The following ESR2 variants were observed in gnomAD, a reference collection of about 807,000 sequenced individuals.
ESR2 encodes the protein estrogen receptor 2.
In ESR2, 36 loss-of-function variants were observed where a neutral mutation model predicts 49.6. That is an observed-to-expected ratio of 0.73 (90% confidence interval 0.56 to 0.96). The LOEUF is 0.96. Among genes scored for constraint, ESR2 ranks in the 40% least tolerant of loss-of-function variants. The pLI is 0.00. For synonymous variants in ESR2, 320 were observed against 266.1 expected (o/e 1.20, Z -1.97); for missense variants, 714 against 693.0 (o/e 1.03, Z -0.34).
chr14:64,315,419 A>G (rs891766690), intron 1 of ESR2, among the ~76,000 whole-genome samples: 1 of 152,126 alleles, frequency 6.6e-6, no homozygotes, highest in South Asian at 2.1e-4. Flanking sequence ...AATTCTTTGA[A>G]AAACACAAAC....
intron 4 of ESR2, among the ~76,000 whole-genome samples, chr14:64,265,405 G>A (rs2076308796): frequency 6.6e-6 from 1 of 152,166 alleles, no homozygotes; most frequent in South Asian, 2.1e-4. Context: ...ATGTACAGAA[G>A]AGGAACCAAA....
chr14:64,280,021 C>G lies in ESR2; in HGVS notation c.495G>C (p.Ser165=), dbSNP rs151012840. 2.5e-6 allele frequency: 4 copies of G among 1,614,194 alleles called. No individual in the cohort carries two copies. The highest frequency in any genetic ancestry group is 3.3e-5 in the Admixed American group (2 of 60,024). ...YASGYHYGVW[S]CEGCKAFFKR... Reference sequence around the variant, plus strand: ...TAAAAAAGGCCTTACATCCTTCACACGACCAGACTCCATAGTGATATCCCG... The same window carrying G: ...TAAAAAAGGCCTTACATCCTTCACAGGACCAGACTCCATAGTGATATCCCG... Residue 165 remains serine, a synonymous_variant, in exon 3 of 9, where the codon TCG becomes TCC. Coordinates refer to ENST00000341099, the MANE Select transcript of ESR2 (RefSeq NM_001437.3).
intron 4 of ESR2, among the ~76,000 whole-genome samples, chr14:64,262,162 A>G (rs1350135569): frequency 7.1e-6 from 1 of 139,876 alleles, no homozygotes; most frequent in Non-Finnish European, 1.5e-5. Context: ...AGGCTGAAGT[A>G]TGGTGGTACA....
Position 64,260,454 on chromosome 14 carries a change from A to G in ESR2, c.947T>C (p.Ile316Thr). 1.3e-6 allele frequency: 2 copies of G among 1,522,932 alleles called. No individual in the cohort carries two copies. The highest frequency in any genetic ancestry group is 1.8e-6 in the Non-Finnish European group (2 of 1,136,784). The allele number at this position is 1,522,932 out of a possible 1,614,324, so 94.3% of individuals were successfully genotyped here. Residue 316 changes from isoleucine (I) to threonine (T), a missense_variant, in exon 5 of 9, where the codon ATT becomes ACT. Coordinates refer to ENST00000341099, the MANE Select transcript of ESR2 (RefSeq NM_001437.3). ...TGATAGCCAGAAAGCCCTACCGGGA[A>G]TCTTCTTGGCCCAGCTGATCATGTG... ...LVHMISWAKK[I>T]PGFVELSLFD...
Position 64,229,538 on chromosome 14 carries a change from C to G in ESR2, c.*3599G>C, listed in dbSNP as rs1251406325. On this transcript the variant is annotated 3_prime_UTR_variant, in exon 9 of 9. Transcript: ENST00000341099. ...GGTAAGGGGGTATCACAAGGGGGCCCCATTTAAATCACAGCAGCCGTGCAT... is the reference window on the plus strand; with the variant it reads ...GGTAAGGGGGTATCACAAGGGGGCCGCATTTAAATCACAGCAGCCGTGCAT... Among the ~76,000 whole-genome samples, 1 of 152,096 alleles carries G rather than the reference C, an allele frequency of 6.6e-6. No individual in the cohort carries two copies. The highest frequency in any genetic ancestry group is 2.4e-5 in the African/African-American group (1 of 41,398).
intron 3 of ESR2, among the ~76,000 whole-genome samples, chr14:64,274,217 G>C (rs1354059277): frequency 6.6e-6 from 1 of 151,892 alleles, no homozygotes; most frequent in African/African-American, 2.4e-5. Context: ...CAAAGTGCTG[G>C]GATTATAGGT....
At chr14:64,262,368 G>A (rs909515742) in intron 4 of ESR2, among the ~76,000 whole-genome samples, 4 of 152,106 alleles carry the variant, frequency 2.6e-5, no homozygotes, top group African/African-American at 7.2e-5. Context: ...TCCTGCCTTG[G>A]CCTCTGAAAG....
rs1232162697 is a variant in ESR2 at position 64,334,430 on chromosome 14, T to C, written c.-91+3468A>G. 2.0e-5 allele frequency among the ~76,000 whole-genome samples: 3 copies of C among 152,180 alleles called. No homozygotes were observed. In the East Asian group the frequency reaches 5.8e-4, roughly 29 times the overall value. On this transcript the variant is annotated intron_variant, in intron 1 of 8. Transcript: ENST00000358599. ...AGGCCTATTTCTCACCAAATGTGCC[T>C]TTCCACAGCACTGTTTGATATGTTC...
chr14:64,248,381 C>T (rs1055395998), intron 7 of ESR2, among the ~76,000 whole-genome samples: 2 of 151,262 alleles, frequency 1.3e-5, no homozygotes, highest in African/African-American at 2.4e-5. Flanking sequence ...TGGTGGTATG[C>T]ACCTGTATTC....
chr14:64,243,285 C>T (rs1485292828), intron 7 of ESR2, among the ~76,000 whole-genome samples: 2 of 152,058 alleles, frequency 1.3e-5, no homozygotes, highest in African/African-American at 4.8e-5. Flanking sequence ...TTTGTGGCAC[C>T]CCAAAACAAT....
intron 5 of ESR2, 51 bp downstream of exon 5, chr14:64,260,398 C>A (rs530136769): frequency 4.1e-6 from 6 of 1,480,380 alleles, no homozygotes; most frequent in East Asian, 2.3e-5. Context: ...TAAATATTAG[C>A]GGCCGGCCTT....
At chr14:64,227,785 C>A, downstream of ESR2, 1 of 1,543,554 alleles carries the variant, frequency 6.5e-7, no homozygotes, top group Non-Finnish European at 8.7e-7. Flanking sequence ...TCACTCAAAG[C>A]TCAGTGTATT....
At chr14:64,246,799 T>C (rs1246415231) in intron 7 of ESR2, among the ~76,000 whole-genome samples, 2 of 127,814 alleles carry the variant, frequency 1.6e-5, no homozygotes, top group African/African-American at 5.9e-5. Context: ...TATATGCACA[T>C]CAACATAATC....
rs371773061 is a variant in ESR2 at position 64,288,298 on chromosome 14, G to C, written c.-90-5223C>G. Among the ~76,000 whole-genome samples, 23 of 149,046 alleles carry C rather than the reference G, an allele frequency of 1.5e-4. No homozygotes were observed. In the East Asian group the frequency reaches 2.2e-3, roughly 14 times the overall value. ...AATTTTGACAATGATTCATGGACAAGAAAAAGTTTGGCCCTAGAAATGGCA... is the reference window on the plus strand; with the variant it reads ...AATTTTGACAATGATTCATGGACAACAAAAAGTTTGGCCCTAGAAATGGCA... On this transcript the variant is annotated intron_variant, in intron 1 of 8. Transcript: ENST00000341099.
At chr14:64,246,684 A>T (rs1443375244) in intron 7 of ESR2, among the ~76,000 whole-genome samples, 4 of 135,280 alleles carry the variant, frequency 3.0e-5, no homozygotes, top group Non-Finnish European at 4.6e-5. Flanking sequence ...GTGAGCCAAG[A>T]TTCCACCACT....
intron 1 of ESR2, among the ~76,000 whole-genome samples, chr14:64,319,544 T>C (rs2077300890): frequency 1.3e-5 from 2 of 152,090 alleles, no homozygotes; most frequent in Non-Finnish European, 2.9e-5. Flanking sequence ...AGGATTGTTA[T>C]CCCAAAATAT....
At chr14:64,288,665 A>G (rs2076820760) in intron 1 of ESR2, among the ~76,000 whole-genome samples, 1 of 149,358 alleles carries the variant, frequency 6.7e-6, no homozygotes, top group African/African-American at 2.4e-5. Flanking sequence ...ACTGGTTTTT[A>G]TCAAAGCACC....
At position 64,229,591 on chromosome 14, in the gene ESR2, G is replaced by GA. The variant is rs2098725340; in HGVS notation, c.*3545_*3546insT. ...CAGGTTGCACCTGATAGATTCTGCA[G>GA]TTTTAAAATATTTTTCTTTAAATTT... On this transcript the variant is annotated 3_prime_UTR_variant, in exon 9 of 9. Transcript: ENST00000341099. Among the ~76,000 whole-genome samples, 1 of 152,172 alleles carries GA rather than the reference G, an allele frequency of 6.6e-6. No homozygotes were observed. The highest frequency in any genetic ancestry group is 1.5e-5 in the Non-Finnish European group (1 of 68,036).
intron 1 of ESR2, among the ~76,000 whole-genome samples, chr14:64,291,896 G>T (rs2076876182): frequency 6.7e-6 from 1 of 148,312 alleles, no homozygotes; most frequent in Non-Finnish European, 1.5e-5. Context: ...ATGAAAAGTA[G>T]TTTTTTTTTT....
Sources: allele counts gnomAD v4.1 joint callset (sites outside exome capture counted in the v4.1 genomes callset), GRCh38; gene constraint gnomAD v4.1.1; transcripts MANE v1.5; gene names NCBI Gene and HGNC (gene_info 2026-07-23, HGNC 2026-07-21).